Variants in GNPDA2 observed in about 807,000 individuals in gnomAD.
GNPDA2 encodes glcN6P deaminase 2.
A neutral mutation model predicts 27.0 loss-of-function variants in GNPDA2; 24 were observed. The observed-to-expected ratio is 0.89, with a 90% CI of 0.64 to 1.25. The LOEUF (loss-of-function observed/expected upper bound fraction) is 1.25, where lower values mean the gene tolerates loss of function less well. Ranked by LOEUF, GNPDA2 falls within the 50% of genes most tolerant of loss-of-function variation. GNPDA2 has a pLI of 0.00. For missense variants in GNPDA2, 286 were observed against 335.1 expected, an observed-to-expected ratio of 0.85 and a Z score of 1.14; for synonymous variants, 94 against 108.4, an observed-to-expected ratio of 0.87 and a Z score of 0.83.
chr4:44,704,192 A>G (rs1425999519), intron 6 of GNPDA2: 8 of 984,712 alleles, frequency 8.1e-6, no homozygotes, highest in Non-Finnish European at 9.6e-6. Flanking sequence ...TAAAGGAGGG[A>G]AGGGGGAAGC....
intron 4 of GNPDA2, 132 bp from the exon 5 acceptor site, chr4:44,711,269 ATT>A (rs1716963429): frequency 2.0e-6 from 1 of 511,476 alleles, no homozygotes; most frequent in Non-Finnish European, 3.2e-6. Context: ...GCATTAAAAT[ATT>A]TGTTTCTGTA....
intron 4 of GNPDA2, 115 bp downstream of exon 4, chr4:44,716,998 T>C: frequency 1.6e-6 from 1 of 627,536 alleles, no homozygotes; most frequent in Non-Finnish European, 2.7e-6. Context: ...AAACGCGTAT[T>C]ACGGACAGCC....
At chr4:44,725,388 C>T (rs1717946119) in intron 1 of GNPDA2, among the ~76,000 whole-genome samples, 1 of 152,162 alleles carries the variant, frequency 6.6e-6, no homozygotes, top group Non-Finnish European at 1.5e-5. Flanking sequence ...ACTTACGATG[C>T]TAGTTAAAAA....
intron 2 of GNPDA2, 121 bp downstream of exon 2, chr4:44,721,962 AT>A (rs1215065123): frequency 1.4e-6 from 1 of 720,242 alleles, no homozygotes; most frequent in African/African-American, 1.8e-5. Flanking sequence ...TTATACTATG[AT>A]GTTCAATTAG....
chr4:44,702,444 A>C lies in GNPDA2; in HGVS notation c.*637T>G. ...TTAAATAAAAATAAGATATTTGTAAAAAAGTGCTATAGAAGAAGGTGCACA... is the reference window on the plus strand; with the variant it reads ...TTAAATAAAAATAAGATATTTGTAACAAAGTGCTATAGAAGAAGGTGCACA... On this transcript the variant is annotated 3_prime_UTR_variant, in exon 7 of 7. Coordinates refer to ENST00000295448, the MANE Select transcript of GNPDA2 (RefSeq NM_138335.3). The C allele has an allele frequency of 1.0e-6, 1 of 976,466 alleles. No homozygotes were observed. The highest frequency in any genetic ancestry group is 1.2e-6 in the Non-Finnish European group (1 of 821,508). 60.5% of individuals were successfully genotyped at this position (976,466 alleles called of 1,614,324 possible).
chr4:44,707,820 C>CG lies in GNPDA2; in HGVS notation c.700dup (p.Arg234ProfsTer8). ...ATCTTCATCGCATACAAAAATAGTC[C>CG]GGGGATGCTGCTGGAAAGCGGAAAC... is the stretch of plus-strand genomic sequence containing the variant. On this transcript the variant is annotated frameshift_variant, in exon 6 of 7. Transcript: ENST00000295448. LOFTEE classifies it high-confidence loss of function. 1 of 1,613,240 alleles carries CG rather than the reference C, an allele frequency of 6.2e-7. No homozygotes were observed. The highest frequency in any genetic ancestry group is 8.5e-7 in the Non-Finnish European group (1 of 1,179,534).
chr4:44,721,969 A>G (rs1053817744), intron 2 of GNPDA2, 115 bp downstream of exon 2: 1 of 767,656 alleles, frequency 1.3e-6, no homozygotes, highest in East Asian at 2.6e-5. Context: ...ATGATGTTCA[A>G]TTAGTGACAT....
At chr4:44,709,298 A>G (rs1716818364) in intron 5 of GNPDA2, among the ~76,000 whole-genome samples, 1 of 152,136 alleles carries the variant, frequency 6.6e-6, no homozygotes, top group Admixed American at 6.6e-5. Context: ...ATTGGTGTTT[A>G]TCTATGGCTA....
chr4:44,716,519 T>TAA (rs1553879241), intron 4 of GNPDA2, among the ~76,000 whole-genome samples: 1 of 151,128 alleles, frequency 6.6e-6, no homozygotes, highest in Non-Finnish European at 1.5e-5. Context: ...AGATTATATA[T>TAA]ACACACACAT....
At chr4:44,725,750 T>C (rs1281761351) in intron 1 of GNPDA2, among the ~76,000 whole-genome samples, 1 of 117,332 alleles carries the variant, frequency 8.5e-6, no homozygotes, top group Non-Finnish European at 1.9e-5. Flanking sequence ...TGTCGCCTTA[T>C]GCAATTCTCT....
At position 44,702,266 on chromosome 4, in the gene GNPDA2, T is replaced by G; in HGVS notation, c.*815A>C. 1 of 612,374 alleles carries G rather than the reference T, an allele frequency of 1.6e-6. No homozygotes were observed. The highest frequency in any genetic ancestry group is 2.0e-6 in the Non-Finnish European group (1 of 488,692). The allele number at this position is 612,374 out of a possible 1,614,324, so 37.9% of individuals were successfully genotyped here. A position where few individuals can be genotyped will look rare whatever the true frequency, so the allele number is the denominator to read the frequency against. On this transcript the variant is annotated 3_prime_UTR_variant, in exon 7 of 7. Coordinates refer to ENST00000295448, the MANE Select transcript of GNPDA2 (RefSeq NM_138335.3). ...TCCTTTTATATATACTTCGTATTAT[T>G]CTTTTAGACATTTTATAAGGAATAA...
At chr4:44,703,533 G>A in intron 6 of GNPDA2, 4 of 995,556 alleles carry the variant, frequency 4.0e-6, no homozygotes, top group Non-Finnish European at 4.8e-6. Flanking sequence ...CCAGCCAGGG[G>A]CTCAGAACTG....
chr4:44,725,485 C>T (rs1717951177), intron 1 of GNPDA2, among the ~76,000 whole-genome samples: 1 of 152,182 alleles, frequency 6.6e-6, no homozygotes, highest in South Asian at 2.1e-4. Flanking sequence ...TGCAAATTAT[C>T]ACAGGGGATA....
intron 4 of GNPDA2, among the ~76,000 whole-genome samples, chr4:44,711,830 C>T (rs13125969): frequency 7.8e-6 from 1 of 128,582 alleles, no homozygotes; most frequent in African/African-American, 3.0e-5. Flanking sequence ...TATATATATA[C>T]ACATATACAA....
chr4:44,711,413 TCAC>T (rs1307204434), intron 4 of GNPDA2, among the ~76,000 whole-genome samples: 2 of 152,174 alleles, frequency 1.3e-5, no homozygotes, highest in Non-Finnish European at 2.9e-5. Context: ...ACATGCATCA[TCAC>T]AACAGATTAT....
intron 4 of GNPDA2, among the ~76,000 whole-genome samples, chr4:44,714,835 C>A (rs935370491): frequency 6.6e-6 from 1 of 152,176 alleles, no homozygotes; most frequent in Admixed American, 6.5e-5. Context: ...TCTCTCTGCA[C>A]AATTATGTCC....
chr4:44,710,989 T>TA lies in GNPDA2; in HGVS notation c.557dup (p.Thr187AsnfsTer11). 6.2e-7 allele frequency: 1 copy of TA among 1,612,378 alleles called. No individual in the cohort carries two copies. Among genetic ancestry groups the TA allele is most frequent in the Non-Finnish European group, 8.5e-7 (1 of 1,179,260 alleles). On this transcript the variant is annotated frameshift_variant, in exon 5 of 7. Transcript: ENST00000295448. LOFTEE classifies it high-confidence loss of function. ...CCATCACTGTCCCCACACCAACAGT[T>TA]AGAGCCATAGTTGGCACTTTTGATA...
At chr4:44,704,222 C>T in intron 6 of GNPDA2, 1 of 984,554 alleles carries the variant, frequency 1.0e-6, no homozygotes, top group Non-Finnish European at 1.2e-6. Context: ...ACTAGTCCTG[C>T]AACTGCTCAA....
chr4:44,704,154 A>G (rs1433801868), intron 6 of GNPDA2: 1 of 985,052 alleles, frequency 1.0e-6, no homozygotes, highest in Non-Finnish European at 1.2e-6. Context: ...GTGTAGTAGG[A>G]GAAATTCTAA....
Sources: allele counts gnomAD v4.1 joint callset (sites outside exome capture counted in the v4.1 genomes callset), GRCh38; gene constraint gnomAD v4.1.1; transcripts MANE v1.5; gene names NCBI Gene and HGNC (gene_info 2026-07-23, HGNC 2026-07-21).